ARHGEF11: variants seen among roughly 807,000 people sequenced by gnomAD.
The protein encoded by ARHGEF11 is Rho guanine nucleotide exchange factor 11.
In ARHGEF11, 55 loss-of-function variants were observed where a neutral mutation model predicts 193.7. That is an observed-to-expected ratio of 0.28 (90% CI 0.23 to 0.36). The LOEUF (loss-of-function observed/expected upper bound fraction) is 0.36, where lower values mean the gene tolerates loss of function less well. Ranked by LOEUF, ARHGEF11 falls within the 10% of genes least tolerant of loss-of-function variation. The probability of loss-of-function intolerance (pLI) is 1.00; values close to 1 mark genes in which losing one functional copy is unlikely to be tolerated. For synonymous variants in ARHGEF11, 693 were observed against 768.0 expected, an observed-to-expected ratio of 0.90 and a Z score of 1.62; for missense variants, 1,723 against 2,005.6, an observed-to-expected ratio of 0.86 and a Z score of 2.69.
intron 7 of ARHGEF11, 72 bp downstream of exon 7, chr1:156,976,911 A>G (rs1162076595): frequency 2.9e-6 from 4 of 1,382,940 alleles, no homozygotes; most frequent in South Asian, 2.3e-5. Context: ...AGTTGTGTAC[A>G]TTGGCAGGCT....
rs187646300 is a variant in ARHGEF11 at position 157,045,304 on chromosome 1, G to A, written c.-974C>T. 6.6e-6 allele frequency: 1 copy of A among 152,304 alleles called. No individual in the cohort carries two copies. Among genetic ancestry groups the A allele is most frequent in the African/African-American group, 2.4e-5 (1 of 41,526 alleles). The allele number at this position is 152,304 out of a possible 1,614,324, so 9.4% of individuals were successfully genotyped here. On this transcript the variant is annotated 5_prime_UTR_variant, in exon 1 of 41. Coordinates refer to ENST00000368194, the MANE Select transcript of ARHGEF11 (RefSeq NM_198236.3). ...AATTTCCTGAGTTAGTTCTGCTGTT[G>A]GGCTCCTCCACATCCAGGCTCCGAA...
intron 1 of ARHGEF11, among the ~76,000 whole-genome samples, chr1:157,017,419 T>C (rs1389468969): frequency 6.6e-6 from 1 of 151,982 alleles, no homozygotes; most frequent in African/African-American, 2.4e-5. Context: ...AATAAAGAAA[T>C]GGAGAAGGCC....
rs1010512986 is a variant in ARHGEF11 at position 156,948,679 on chromosome 1, T to G, written c.1926-181A>C. 2.0e-6 allele frequency: 3 copies of G among 1,534,694 alleles called. No individual in the cohort carries two copies. Among genetic ancestry groups the G allele is most frequent in the Non-Finnish European group, 2.6e-6 (3 of 1,145,906 alleles). On this transcript the variant is annotated intron_variant, in intron 22 of 40. Transcript: ENST00000368194. This position sits in a 1 kb window ranked among gnomAD's most constrained non-coding sequence, Gnocchi z 4.2. ...CTTCTCAATGACAGACTATTTTTGC[T>G]GCTCTACAAACTCCTCCTCTCTCCC...
intron 1 of ARHGEF11, among the ~76,000 whole-genome samples, chr1:157,018,180 A>C (rs1331697719): frequency 6.6e-6 from 1 of 152,198 alleles, no homozygotes; most frequent in African/African-American, 2.4e-5. Context: ...GAGAGAACTT[A>C]ATGACCTAAA....
chr1:156,973,961 A>G (rs1344466704), intron 7 of ARHGEF11, among the ~76,000 whole-genome samples: 1 of 152,162 alleles, frequency 6.6e-6, no homozygotes, highest in Non-Finnish European at 1.5e-5. Context: ...CCCCCACTCA[A>G]AGTTCTTTGA....
chr1:156,935,873 G>C lies in ARHGEF11; in HGVS notation c.*127C>G. ...CGGGTCTCCCCCCGGGCCTTGGCTG[G>C]ATCCTAGTTTCCCTAACTGCCTCCT... On this transcript the variant is annotated 3_prime_UTR_variant, in exon 41 of 41. Transcript: ENST00000368194. The C allele has an allele frequency of 8.8e-7, 1 of 1,133,986 alleles. No individual in the cohort carries two copies. Among genetic ancestry groups the C allele is most frequent in the Non-Finnish European group, 1.2e-6 (1 of 806,186 alleles). The allele number at this position is 1,133,986 out of a possible 1,614,324, so 70.2% of individuals were successfully genotyped here. A position where few individuals can be genotyped will look rare whatever the true frequency, so the allele number is the denominator to read the frequency against.
rs768608839 is a variant in ARHGEF11, at chr1:156,948,358, T to C, written c.2066A>G (p.His689Arg). The change falls in exon 23 of 41, where the codon CAC (histidine) becomes CGC (arginine). Residue 689 changes from histidine to arginine, a missense_variant. Physicochemically the swap from His to Arg is conservative, Grantham distance 29. This residue lies in a region of ARHGEF11 where 491 missense variants were observed against 654.5 expected (regional missense o/e 0.75). Transcript: ENST00000368194. The surrounding 1 kb of genome is among the most constrained non-coding windows in gnomAD (Gnocchi z 4.2). ...MDAAAEATRL[H>R]QSASSSTSSL... The stretch of plus-strand genomic sequence containing the variant: ...GGAGGTAGAGGACGAGGCTGACTGG[T>C]GCAGGCGAGTAGCCTCCGCAGCAGC... The C allele has an allele frequency of 6.2e-7, 1 of 1,614,220 alleles. No individual in the cohort carries two copies. Among genetic ancestry groups the C allele is most frequent in the South Asian group, 1.1e-5 (1 of 91,088 alleles).
chr1:156,947,096 T>C, intron 26 of ARHGEF11, 81 bp from the exon 27 acceptor site: 2 of 1,567,622 alleles, frequency 1.3e-6, no homozygotes, highest in Admixed American at 3.3e-5. Context: ...GAAGTGAATC[T>C]CTGACAGCAG....
intron 1 of ARHGEF11, among the ~76,000 whole-genome samples, chr1:157,034,513 A>G (rs1472540122): frequency 6.6e-6 from 1 of 152,250 alleles, no homozygotes. Flanking sequence ...AATGAGAACG[A>G]GAGGAATTTT....
At position 156,971,817 on chromosome 1, in the gene ARHGEF11, C is replaced by A. The variant is rs775665454; in HGVS notation, c.583-1G>T. 1.2e-6 allele frequency: 2 copies of A among 1,612,226 alleles called. No homozygotes were observed. The highest frequency in any genetic ancestry group is 2.7e-5 in the African/African-American group (2 of 74,836). On this transcript the variant is annotated splice_acceptor_variant, in intron 7 of 40. Transcript: ENST00000368194. LOFTEE classifies it high-confidence loss of function. ...TCCGGCTATAGACCTCACAGATACG[C>A]TAGGGATGGGTGAGGAGGAGAAGGG... is the stretch of plus-strand genomic sequence containing the variant.
intron 19 of ARHGEF11, 24 bp downstream of exon 19, chr1:156,956,396 T>C (rs1392234033): frequency 1.2e-6 from 2 of 1,613,390 alleles, no homozygotes; most frequent in Non-Finnish European, 1.7e-6. Flanking sequence ...ATTACAGGCA[T>C]GAGCCACCAT....
In ARHGEF11 at chr1:157,037,967, G is replaced by A. The variant is rs190769182; in HGVS notation, c.32+6332C>T. Among the ~76,000 whole-genome samples, 8 of 147,762 alleles carry A rather than the reference G, an allele frequency of 5.4e-5. No homozygotes were observed. In the East Asian group the frequency reaches 1.4e-3, roughly 25 times the overall value. ...GAATCGCTTGAACCCAGGAGGTGGA[G>A]GTTGCAGTGAGCCGAGATCACGCCA... On this transcript the variant is annotated intron_variant, in intron 1 of 40. Coordinates refer to ENST00000368194, the MANE Select transcript of ARHGEF11 (RefSeq NM_198236.3).
At chr1:156,980,911 G>A (rs1179887857) in intron 3 of ARHGEF11, among the ~76,000 whole-genome samples, 1 of 149,580 alleles carries the variant, frequency 6.7e-6, no homozygotes, top group Non-Finnish European at 1.5e-5. Context: ...CAGAGAAAAG[G>A]ATTAAAACAA....
intron 1 of ARHGEF11, among the ~76,000 whole-genome samples, chr1:157,010,943 T>C (rs1571486013): frequency 1.3e-5 from 2 of 152,178 alleles, no homozygotes; most frequent in Admixed American, 6.5e-5. Flanking sequence ...ATTCCACAAA[T>C]TGATCCACAG....
At chr1:157,030,027 G>T (rs1671108160) in intron 1 of ARHGEF11, among the ~76,000 whole-genome samples, 1 of 152,034 alleles carries the variant, frequency 6.6e-6, no homozygotes, top group Non-Finnish European at 1.5e-5. Flanking sequence ...ATGGGCCAAG[G>T]TTTCTTTGGG....
intron 1 of ARHGEF11, among the ~76,000 whole-genome samples, chr1:157,041,224 A>G (rs1447755735): frequency 6.6e-6 from 1 of 152,234 alleles, no homozygotes; most frequent in Admixed American, 6.5e-5. Flanking sequence ...ATAATTTAGT[A>G]TCATTATCTC....
chr1:157,041,450 G>A (rs1452145284), intron 1 of ARHGEF11, among the ~76,000 whole-genome samples: 1 of 152,144 alleles, frequency 6.6e-6, no homozygotes, highest in African/African-American at 2.4e-5. Context: ...GGGTGCTACA[G>A]GAGATGAAAG....
At chr1:156,993,375 T>C (rs1260914916) in intron 1 of ARHGEF11, among the ~76,000 whole-genome samples, 1 of 152,146 alleles carries the variant, frequency 6.6e-6, no homozygotes, top group Non-Finnish European at 1.5e-5. Flanking sequence ...ATATATGACA[T>C]GATTAAAGAT....
intron 1 of ARHGEF11, among the ~76,000 whole-genome samples, chr1:156,997,067 C>G (rs1369713427): frequency 6.6e-6 from 1 of 151,454 alleles, no homozygotes; most frequent in Non-Finnish European, 1.5e-5. Flanking sequence ...TGGGGTCTCC[C>G]TTTGTTGCCA....
Sources: gnomAD v4.1 joint callset for allele counts (sites outside exome capture counted in the v4.1 genomes callset) on GRCh38, gnomAD v4.1.1 for gene constraint, gnomAD v4.1.1 regional missense constraint, Gnocchi (gnomAD v3.1) non-coding constraint, MANE v1.5 for transcripts, NCBI Gene and HGNC (gene_info 2026-07-23, HGNC 2026-07-21) for gene names.